Variants in CDH11 observed in about 807,000 individuals in gnomAD.
CDH11 encodes the protein cadherin-11.
In CDH11, 11 loss-of-function variants were observed where a neutral mutation model predicts 67.8. The observed-to-expected ratio is 0.16, with a 90% CI of 0.10 to 0.27. CDH11 has a LOEUF of 0.27. Among genes scored for constraint, CDH11 ranks in the 10% least tolerant of loss-of-function variants. The probability of loss-of-function intolerance (pLI) is 1.00; values close to 1 mark genes in which losing one functional copy is unlikely to be tolerated. For synonymous variants in CDH11, 419 were observed against 400.0 expected (o/e 1.05, Z -0.57); for missense variants, 847 against 1,031.2 (o/e 0.82, Z 2.45).
Position 64,947,722 on chromosome 16 carries a change from G to A in CDH11, c.2272C>T (p.Leu758=), listed in dbSNP as rs1331397099. Residue 758 remains leucine (L), a synonymous_variant, in exon 13 of 13, where the codon CTA becomes TTA. Coordinates refer to ENST00000268603, the MANE Select transcript of CDH11 (RefSeq NM_001797.4). The part of the protein sequence containing the change: ...RGSVAGSLSS[L]ESATTDSDLD... The stretch of plus-strand genomic sequence containing the variant: ...TCTGAATCTGTGGTGGCCGACTCTA[G>A]GGAGCTCAGGGACCCGGCCACTGAG... 1.9e-6 allele frequency: 3 copies of A among 1,613,962 alleles called. No homozygotes were observed. The highest frequency in any genetic ancestry group is 2.7e-5 in the African/African-American group (2 of 74,918).
intron 1 of CDH11, among the ~76,000 whole-genome samples, chr16:65,099,802 G>C (rs966325218): frequency 6.6e-6 from 1 of 152,104 alleles, no homozygotes; most frequent in African/African-American, 2.4e-5. Context: ...TCATGGCAAT[G>C]ACTTGCCTCC....
At chr16:65,065,737 A>G (rs7191190) in intron 1 of CDH11, among the ~76,000 whole-genome samples, 138,406 of 152,278 alleles carry the variant, frequency 0.91, 62,976 homozygotes, top group East Asian at 1. Context: ...TTTCTGCCAG[A>G]AGGACCTGAG....
intron 7 of CDH11, chr16:64,986,234 G>A (rs1455303517): frequency 6.6e-6 from 1 of 151,526 alleles, no homozygotes; most frequent in Non-Finnish European, 1.5e-5. Flanking sequence ...CTAGAAGTTT[G>A]AGCAAATGTT....
chr16:64,967,027 T>C (rs1365051691), intron 11 of CDH11, among the ~76,000 whole-genome samples: 1 of 152,166 alleles, frequency 6.6e-6, no homozygotes, highest in Non-Finnish European at 1.5e-5. Flanking sequence ...TAACTGGAAC[T>C]TAAAATGTTA....
chr16:64,946,307 T>C lies in CDH11; in HGVS notation c.*1296A>G, dbSNP rs1011355710. 15 of 1,044,694 alleles carry C rather than the reference T, an allele frequency of 1.4e-5. No homozygotes were observed. Among genetic ancestry groups the C allele is most frequent in the Non-Finnish European group, 1.7e-5 (15 of 866,288 alleles). 64.7% of individuals were successfully genotyped at this position (1,044,694 alleles called of 1,614,324 possible). ...AAGAAAAAATAGAATAACATTAGAG[T>C]CTGGGCAAATTTATATTTTTGACTC... is the stretch of plus-strand genomic sequence containing the variant. On this transcript the variant is annotated 3_prime_UTR_variant, in exon 13 of 13. Coordinates refer to ENST00000268603, the MANE Select transcript of CDH11 (RefSeq NM_001797.4).
chr16:64,943,779 T>G lies in CDH11; in HGVS notation c.*3824A>C, dbSNP rs1396055542. 4.9e-6 allele frequency: 1 copy of G among 205,822 alleles called. No homozygotes were observed. The allele number at this position is 205,822 out of a possible 1,614,324, so 12.7% of individuals were successfully genotyped here. ...TTGCTTTCATTCAATAGATATTTATTGTGTACCTGTTATGTTTCAGGCACT... is the reference window on the plus strand; with the variant it reads ...TTGCTTTCATTCAATAGATATTTATGGTGTACCTGTTATGTTTCAGGCACT... On this transcript the variant is annotated 3_prime_UTR_variant, in exon 13 of 13. Coordinates refer to ENST00000268603, the MANE Select transcript of CDH11 (RefSeq NM_001797.4).
chr16:65,046,355 T>G (rs1470249824), intron 2 of CDH11, among the ~76,000 whole-genome samples: 1 of 152,136 alleles, frequency 6.6e-6, no homozygotes, highest in East Asian at 1.9e-4. Flanking sequence ...TGCTGAGCAC[T>G]TGAGGAGGCA....
At chr16:65,035,835 G>A (rs2073743919) in intron 2 of CDH11, among the ~76,000 whole-genome samples, 1 of 152,154 alleles carries the variant, frequency 6.6e-6, no homozygotes. Flanking sequence ...GAAGATGAAG[G>A]CTGCTATCTG....
At position 64,988,267 on chromosome 16, in the gene CDH11, T is replaced by C. The variant is rs768038471; in HGVS notation, c.889A>G (p.Ile297Val). The change falls in exon 7 of 13, where the codon ATT becomes GTT. Residue 297 changes from isoleucine (I) to valine (V), a missense_variant. Coordinates refer to ENST00000268603, the MANE Select transcript of CDH11 (RefSeq NM_001797.4). ...TATGTGACTAAGCCATTTTCTCCAA[T>C]GTCTGGATCTTTAGCTTTCACTCTT... Reference protein sequence around the residue: ...VGRVKAKDPDIGENGLVTYNI... With the variant: ...VGRVKAKDPDVGENGLVTYNI... The C allele has an allele frequency of 2.5e-6, 4 of 1,613,724 alleles. No individual in the cohort carries two copies. Among genetic ancestry groups the C allele is most frequent in the Non-Finnish European group, 2.5e-6 (3 of 1,179,796 alleles).
chr16:64,954,559 A>G (rs1327861917), intron 11 of CDH11, among the ~76,000 whole-genome samples: 1 of 152,106 alleles, frequency 6.6e-6, no homozygotes, highest in Non-Finnish European at 1.5e-5. Flanking sequence ...AAAACTTAAC[A>G]CACATTACTG....
chr16:64,953,301 T>C (rs13338009), intron 11 of CDH11, among the ~76,000 whole-genome samples: 8,495 of 150,318 alleles, frequency 0.057, 807 homozygotes, highest in African/African-American at 0.19. Flanking sequence ...TACACACACA[T>C]ATATATATAT....
intron 3 of CDH11, among the ~76,000 whole-genome samples, chr16:65,002,627 C>T (rs1284980637): frequency 6.6e-6 from 1 of 152,226 alleles, no homozygotes. Context: ...TACACAATGT[C>T]ATTGAGATTC....
chr16:65,035,957 C>T (rs2073746310), intron 2 of CDH11, among the ~76,000 whole-genome samples: 1 of 152,114 alleles, frequency 6.6e-6, no homozygotes, highest in South Asian at 2.1e-4. Context: ...CCCAATTTGG[C>T]TTTCTGTCTG....
At chr16:64,975,904 T>C (rs779924331) in intron 8 of CDH11, among the ~76,000 whole-genome samples, 1 of 152,164 alleles carries the variant, frequency 6.6e-6, no homozygotes, top group South Asian at 2.1e-4. Flanking sequence ...GAAAAATCAA[T>C]TACCAGGAAG....
chr16:65,029,731 T>C (rs2073605447), intron 2 of CDH11, among the ~76,000 whole-genome samples: 1 of 152,202 alleles, frequency 6.6e-6, no homozygotes, highest in Non-Finnish European at 1.5e-5. Context: ...AAATCGCTTG[T>C]CCTTATTCTA....
intron 11 of CDH11, among the ~76,000 whole-genome samples, chr16:64,963,068 G>A (rs1324632969): frequency 6.6e-6 from 1 of 152,120 alleles, no homozygotes; most frequent in Non-Finnish European, 1.5e-5. Flanking sequence ...CATACTAAAG[G>A]CAGAACAAAA....
chr16:65,122,985 C>A (rs1777366345), upstream of CDH11, among the ~76,000 whole-genome samples: 1 of 152,200 alleles, frequency 6.6e-6, no homozygotes, highest in Admixed American at 6.5e-5. Flanking sequence ...CCTAATGGGG[C>A]GCAGCGCCGG....
chr16:64,996,491 G>A (rs369613965), intron 4 of CDH11, among the ~76,000 whole-genome samples: 156 of 135,044 alleles, frequency 1.2e-3, no homozygotes, highest in African/African-American at 1.0e-3. Context: ...CTCTGTCTCA[G>A]AAAAAAAAAA....
At position 64,946,389 on chromosome 16, in the gene CDH11, T is replaced by TA; in HGVS notation, c.*1213dup. ...GGCATAGAATGTATACCTGGAACAT[T>TA]AGAGTTCTGATAGCTCCATTCCCTC... On this transcript the variant is annotated 3_prime_UTR_variant, in exon 13 of 13. Transcript: ENST00000268603. 9.6e-7 allele frequency: 1 copy of TA among 1,037,176 alleles called. No individual in the cohort carries two copies. Among genetic ancestry groups the TA allele is most frequent in the Non-Finnish European group, 1.2e-6 (1 of 861,156 alleles). 64.2% of individuals were successfully genotyped at this position (1,037,176 alleles called of 1,614,324 possible).
Sources: gnomAD v4.1 joint callset for allele counts (sites outside exome capture counted in the v4.1 genomes callset) on GRCh38, gnomAD v4.1.1 for gene constraint, MANE v1.5 for transcripts, NCBI Gene and HGNC (gene_info 2026-07-23, HGNC 2026-07-21) for gene names.